CSTF3: variants seen among roughly 807,000 people sequenced by gnomAD.
CSTF3 encodes the protein CF-1 77 kDa subunit.
A neutral mutation model predicts 105.8 loss-of-function variants in CSTF3; 29 were observed. The ratio of observed to expected loss-of-function variants is 0.27; its 90% CI spans 0.20 to 0.37. The LOEUF (loss-of-function observed/expected upper bound fraction) is 0.37, where lower values mean the gene tolerates loss of function less well. Ranked by LOEUF, CSTF3 falls within the 10% of genes least tolerant of loss-of-function variation. CSTF3 has a pLI of 1.00. For missense variants in CSTF3, 357 were observed against 879.3 expected, an observed-to-expected ratio of 0.41 and a Z score of 7.51; for synonymous variants, 252 against 281.9, an observed-to-expected ratio of 0.89 and a Z score of 1.06.
intron 15 of CSTF3, among the ~76,000 whole-genome samples, chr11:33,093,634 T>A (rs1855190100): frequency 6.6e-6 from 1 of 152,234 alleles, no homozygotes; most frequent in Admixed American, 6.5e-5. Context: ...AGTTTACATT[T>A]TTTTTTGTAC....
chr11:33,084,978 T>A lies in CSTF3; in HGVS notation c.*109A>T. ...CATGTGATAGAGGCACCAATGACAA[T>A]ACAACTTTGTTTCCAAGAACCTTGT... On this transcript the variant is annotated 3_prime_UTR_variant, in exon 21 of 21. Transcript: ENST00000323959. The A allele has an allele frequency of 8.3e-7, 1 of 1,203,540 alleles. No homozygotes were observed. Among genetic ancestry groups the A allele is most frequent in the Admixed American group, 1.9e-5 (1 of 51,286 alleles). The allele number at this position is 1,203,540 out of a possible 1,614,324, so 74.6% of individuals were successfully genotyped here.
At chr11:33,121,819 T>TAA (rs1387445573) in intron 3 of CSTF3, among the ~76,000 whole-genome samples, 3 of 152,196 alleles carry the variant, frequency 2.0e-5, no homozygotes, top group African/African-American at 7.2e-5. Flanking sequence ...TCTTCCTAGT[T>TAA]GATTCTACTA....
chr11:33,092,829 G>C (rs1855182905), intron 15 of CSTF3, among the ~76,000 whole-genome samples: 1 of 152,122 alleles, frequency 6.6e-6, no homozygotes, highest in Non-Finnish European at 1.5e-5. Flanking sequence ...TCTTGCAGAG[G>C]TACAATATCT....
intron 8 of CSTF3, among the ~76,000 whole-genome samples, chr11:33,105,320 G>A (rs1855316597): frequency 6.6e-6 from 1 of 152,218 alleles, no homozygotes; most frequent in Non-Finnish European, 1.5e-5. Context: ...GTGTGTGTAT[G>A]AATGTGTGGA....
chr11:33,137,152 A>T (rs1855663914), intron 3 of CSTF3, among the ~76,000 whole-genome samples: 1 of 151,892 alleles, frequency 6.6e-6, no homozygotes, highest in Non-Finnish European at 1.5e-5. Context: ...TATATTTTCA[A>T]TGTGTTTACT....
intron 1 of CSTF3, among the ~76,000 whole-genome samples, chr11:33,148,978 C>G (rs1855822555): frequency 6.6e-6 from 1 of 151,636 alleles, no homozygotes; most frequent in South Asian, 2.1e-4. Flanking sequence ...AGGCGTGTAC[C>G]ACCGCTCCTT....
intron 1 of CSTF3, among the ~76,000 whole-genome samples, chr11:33,152,306 CT>C (rs1849795183): frequency 1.3e-5 from 2 of 152,062 alleles, no homozygotes; most frequent in South Asian, 4.2e-4. Flanking sequence ...ATTATTATTA[CT>C]TTTTAGAGGT....
chr11:33,107,489 T>C (rs1855338688), intron 5 of CSTF3, among the ~76,000 whole-genome samples: 1 of 152,206 alleles, frequency 6.6e-6, no homozygotes, highest in Admixed American at 6.5e-5. Context: ...GGAGTGGGGA[T>C]GGCAACTTCA....
At chr11:33,139,388 TTATG>T (rs1855686200) in intron 3 of CSTF3, among the ~76,000 whole-genome samples, 1 of 151,976 alleles carries the variant, frequency 6.6e-6, no homozygotes, top group East Asian at 1.9e-4. Flanking sequence ...ATACAGAATG[TTATG>T]TAAACACTTA....
chr11:33,130,152 T>C lies in CSTF3; in HGVS notation c.225+11515A>G, dbSNP rs368752935. 7.9e-5 allele frequency among the ~76,000 whole-genome samples: 12 copies of C among 152,218 alleles called. No individual in the cohort carries two copies. In the East Asian group the frequency reaches 1.2e-3, roughly 15 times the overall value. ...TCTTTCATTTTTATTTTTCATAAAA[T>C]TTCATAATCTCAATTAGTAAAAACT... On this transcript the variant is annotated intron_variant, in intron 3 of 20. Transcript: ENST00000323959.
Position 33,156,282 on chromosome 11 carries a change from C to T in CSTF3, c.27+5017G>A, listed in dbSNP as rs182793708. On this transcript the variant is annotated intron_variant, in intron 1 of 20. Coordinates refer to ENST00000323959, the MANE Select transcript of CSTF3 (RefSeq NM_001326.3). ...AATAAATCCAAAAAAACACATTGTC[C>T]AACACACATAGTTGGCTCTTTCTCT... Among the ~76,000 whole-genome samples, 9 of 152,136 alleles carry T rather than the reference C, an allele frequency of 5.9e-5. No individual in the cohort carries two copies. In the East Asian group the frequency reaches 1.5e-3, roughly 26 times the overall value.
chr11:33,155,079 G>T (rs180853965), intron 1 of CSTF3, among the ~76,000 whole-genome samples: 1 of 151,790 alleles, frequency 6.6e-6, no homozygotes, highest in Non-Finnish European at 1.5e-5. Flanking sequence ...ATCTTGGGCC[G>T]GGCATGGTGG....
At chr11:33,154,498 T>C (rs1158667559) in intron 1 of CSTF3, among the ~76,000 whole-genome samples, 45 of 144,852 alleles carry the variant, frequency 3.1e-4, no homozygotes, top group African/African-American at 1.0e-3. Context: ...TTTCTTTTTT[T>C]TTTTTTTTTT....
intron 17 of CSTF3, among the ~76,000 whole-genome samples, chr11:33,087,796 G>A (rs1210595889): frequency 1.3e-5 from 2 of 152,216 alleles, no homozygotes; most frequent in Admixed American, 6.5e-5. Context: ...ATAAGAAGTA[G>A]AGAGAGGAGG....
intron 16 of CSTF3, among the ~76,000 whole-genome samples, 190 bp downstream of exon 16, chr11:33,092,081 T>C (rs1855175239): frequency 6.6e-6 from 1 of 151,776 alleles, no homozygotes; most frequent in Non-Finnish European, 1.5e-5. Flanking sequence ...ACAATTCTAA[T>C]CACTGTGCAG....
chr11:33,110,225 T>C (rs1303450225), intron 3 of CSTF3, among the ~76,000 whole-genome samples: 1 of 152,178 alleles, frequency 6.6e-6, no homozygotes, highest in African/African-American at 2.4e-5. Flanking sequence ...AATTGACCCT[T>C]CTCTACCATG....
intron 3 of CSTF3, among the ~76,000 whole-genome samples, chr11:33,129,876 T>G (rs1855581017): frequency 6.6e-6 from 1 of 152,226 alleles, no homozygotes; most frequent in African/African-American, 2.4e-5. Context: ...CAAATTCTGA[T>G]GCAACATCAT....
intron 13 of CSTF3, among the ~76,000 whole-genome samples, 196 bp downstream of exon 13, chr11:33,098,494 C>T (rs1022406280): frequency 2.6e-5 from 4 of 152,046 alleles, no homozygotes; most frequent in African/African-American, 9.7e-5. Context: ...ACAAAGGGGT[C>T]ACATGGGGGA....
At chr11:33,117,147 G>C (rs1053251927) in intron 3 of CSTF3, among the ~76,000 whole-genome samples, 1 of 151,938 alleles carries the variant, frequency 6.6e-6, no homozygotes, top group Non-Finnish European at 1.5e-5. Flanking sequence ...CAATACCTAA[G>C]GCATTAAGTA....
Sources: gnomAD v4.1 joint callset for allele counts (sites outside exome capture counted in the v4.1 genomes callset) on GRCh38, gnomAD v4.1.1 for gene constraint, MANE v1.5 for transcripts, NCBI Gene and HGNC (gene_info 2026-07-23, HGNC 2026-07-21) for gene names.